Variants in SULF2 observed in about 807,000 individuals in gnomAD.
SULF2 encodes extracellular sulfatase Sulf-2.
SULF2 carries 52 observed loss-of-function variants against 107.7 expected under a neutral mutation model. The observed-to-expected ratio is 0.48, with a 90% CI of 0.39 to 0.61. The LOEUF is 0.61. Ranked by LOEUF, SULF2 falls within the 20% of genes least tolerant of loss-of-function variation. The pLI is 0.00. For missense variants in SULF2, 993 were observed against 1,177.3 expected (o/e 0.84, Z 2.29); for synonymous variants, 460 against 464.3 (o/e 0.99, Z 0.12).
intron 1 of SULF2, among the ~76,000 whole-genome samples, chr20:47,774,407 G>A (rs2090688157): frequency 6.6e-6 from 1 of 152,194 alleles, no homozygotes; most frequent in Non-Finnish European, 1.5e-5. Flanking sequence ...ATTGAGCCCA[G>A]GTCCCTCATT....
chr20:47,663,351 T>A (rs1009416127), intron 16 of SULF2, 102 bp downstream of exon 16: 5 of 1,575,714 alleles, frequency 3.2e-6, no homozygotes, highest in Non-Finnish European at 4.3e-6. Flanking sequence ...GGACCCCTGG[T>A]GTTGGGGACC....
chr20:47,697,828 G>A (rs6090714), intron 4 of SULF2, among the ~76,000 whole-genome samples: 60,355 of 152,142 alleles, frequency 0.4, 12,659 homozygotes, highest in Middle Eastern at 0.48. Context: ...TGATTATCGG[G>A]CTGCTCTGAG....
chr20:47,703,719 A>G (rs554601481), intron 3 of SULF2, among the ~76,000 whole-genome samples: 1 of 152,378 alleles, frequency 6.6e-6, no homozygotes, highest in South Asian at 2.1e-4. Context: ...AAGACATGAC[A>G]GCACATTTGT....
intron 1 of SULF2, among the ~76,000 whole-genome samples, chr20:47,784,188 C>G (rs1431393650): frequency 2.0e-5 from 3 of 150,928 alleles, no homozygotes; most frequent in South Asian, 2.1e-4. Context: ...TGGGGGTGGA[C>G]CCGGTGGGAA....
At chr20:47,730,517 C>G (rs953281398) in intron 3 of SULF2, among the ~76,000 whole-genome samples, 1 of 152,136 alleles carries the variant, frequency 6.6e-6, no homozygotes, top group Non-Finnish European at 1.5e-5. Context: ...GTGGTGCAAT[C>G]TCGGCTCACT....
Position 47,757,286 on chromosome 20 carries a change from C to T in SULF2, c.78G>A (p.Leu26=). 2 of 1,591,994 alleles carry T rather than the reference C, an allele frequency of 1.3e-6. No homozygotes were observed. The highest frequency in any genetic ancestry group is 8.6e-7 in the Non-Finnish European group (1 of 1,168,562). Residue 26 remains leucine, a synonymous_variant, in exon 2 of 21, where the codon CTG becomes CTA. Coordinates refer to ENST00000688720, the MANE Select transcript of SULF2 (RefSeq NM_001387048.1). ...ACCTGCCTTTCAGGCGGTGGTGCGA[C>T]AGGAAGGCCGAGCTTCCACCCAGCA... The part of the protein sequence containing the change: ...FSLLGGSSAF[L]SHHRLKGRFQ...
rs536881999 is a variant in SULF2, at chr20:47,715,696, C to T, written c.416-13026G>A. On this transcript the variant is annotated intron_variant, in intron 3 of 20. Transcript: ENST00000688720. Reference sequence around the variant, plus strand: ...TCCCGGGTTCCAGTGATTCTCTTGCCTCAGCCTCCCGACTGGCTGGGATTA... The same window carrying T: ...TCCCGGGTTCCAGTGATTCTCTTGCTTCAGCCTCCCGACTGGCTGGGATTA... Among the ~76,000 whole-genome samples, 62 of 152,038 alleles carry T rather than the reference C, an allele frequency of 4.1e-4. No homozygotes were observed. The South Asian group carries it at 0.013, about 31-fold the overall frequency.
chr20:47,757,333 G>C lies in SULF2; in HGVS notation c.31C>G (p.Leu11Val). The C allele has an allele frequency of 6.2e-7, 1 of 1,602,806 alleles. No homozygotes were observed. Among genetic ancestry groups the C allele is most frequent in the Non-Finnish European group, 8.5e-7 (1 of 1,174,340 alleles). The change falls in exon 2 of 21, where the codon CTG becomes GTG. Residue 11 changes from leucine to valine, a missense_variant. By Grantham distance (32) the Leu-to-Val change is conservative. This residue lies in a region of SULF2 where 388 missense variants were observed against 449.2 expected (regional missense o/e 0.86). Coordinates refer to ENST00000688720, the MANE Select transcript of SULF2 (RefSeq NM_001387048.1). ...AGCAGGGAGAACACAGTTGCGGACA[G>C]CAAGCACAGCACGAGGCTCGGGGGG... MGPPSLVLCLLSATVFSLLGG... is the reference protein window; with the variant it reads MGPPSLVLCLVSATVFSLLGG...
chr20:47,698,303 T>C (rs2088452402), intron 4 of SULF2, among the ~76,000 whole-genome samples: 1 of 152,214 alleles, frequency 6.6e-6, no homozygotes, highest in African/African-American at 2.4e-5. Context: ...TACCCCCATG[T>C]CTGGCTCAGG....
chr20:47,764,451 C>A (rs139887513), intron 1 of SULF2, among the ~76,000 whole-genome samples: 3 of 152,232 alleles, frequency 2.0e-5, no homozygotes, highest in African/African-American at 7.2e-5. Flanking sequence ...TTCCCACCCC[C>A]CCTTATATAT....
At chr20:47,693,446 C>T (rs1346339744) in intron 4 of SULF2, among the ~76,000 whole-genome samples, 1 of 152,096 alleles carries the variant, frequency 6.6e-6, no homozygotes, top group Non-Finnish European at 1.5e-5. Context: ...CCTGTTTGGC[C>T]GTGGTTAAAC....
chr20:47,751,978 G>A (rs55857445), intron 2 of SULF2, among the ~76,000 whole-genome samples: 6,349 of 152,234 alleles, frequency 0.042, 180 homozygotes, highest in Non-Finnish European at 0.063. Flanking sequence ...TCAAATTATG[G>A]GGTATGTAAC....
At position 47,735,530 on chromosome 20, in the gene SULF2, C is replaced by A. The variant is rs574668474; in HGVS notation, c.415+1173G>T. 2.6e-5 allele frequency among the ~76,000 whole-genome samples: 4 copies of A among 152,322 alleles called. No homozygotes were observed. The South Asian group carries it at 8.3e-4, about 32-fold the overall frequency. On this transcript the variant is annotated intron_variant, in intron 3 of 20. Coordinates refer to ENST00000688720, the MANE Select transcript of SULF2 (RefSeq NM_001387048.1). ...CTGTCCTGCTTCTGCTAGCAACATC[C>A]AGGCCCCCGCCAATCATCTAGGGTG...
intron 1 of SULF2, among the ~76,000 whole-genome samples, chr20:47,771,863 AAC>A (rs1391504426): frequency 6.6e-6 from 1 of 152,218 alleles, no homozygotes; most frequent in Non-Finnish European, 1.5e-5. Context: ...CGCCTGGGAT[AAC>A]ACAGCTTTTC....
intron 10 of SULF2, 143 bp from the exon 11 acceptor site, chr20:47,672,536 A>G (rs2087513055): frequency 7.1e-6 from 10 of 1,416,134 alleles, no homozygotes; most frequent in African/African-American, 1.4e-5. Flanking sequence ...GCTATCTCCA[A>G]TGCCGCTTCT....
chr20:47,708,917 C>G (rs142120969), intron 3 of SULF2, among the ~76,000 whole-genome samples: 1,757 of 152,308 alleles, frequency 0.012, 41 homozygotes, highest in African/African-American at 0.04. Context: ...CTCCAACCCC[C>G]AACCCTTAAA....
chr20:47,671,072 T>C (rs992728669), intron 11 of SULF2, among the ~76,000 whole-genome samples: 4 of 152,122 alleles, frequency 2.6e-5, no homozygotes, highest in African/African-American at 9.7e-5. Flanking sequence ...ATTCTTCCTG[T>C]TTGATGGTGG....
rs138971536 is a variant in SULF2 at position 47,777,281 on chromosome 20, C to T, written c.-101+8062G>A. Among the ~76,000 whole-genome samples, 496 of 152,266 alleles carry T rather than the reference C, an allele frequency of 3.3e-3. 1 individual carries two copies. The highest frequency in any genetic ancestry group is 0.011 in the African/African-American group (463 of 41,542). On this transcript the variant is annotated intron_variant, in intron 1 of 20. Transcript: ENST00000688720. ...TAGAGGTGAGTGCAAAACCCAACTC[C>T]GGACCAATGAAACAGAAAGCAAAGT... is the stretch of plus-strand genomic sequence containing the variant.
chr20:47,673,345 A>G (rs2087537397), intron 10 of SULF2, among the ~76,000 whole-genome samples: 1 of 152,086 alleles, frequency 6.6e-6, no homozygotes, highest in African/African-American at 2.4e-5. Context: ...CTTGCTTACT[A>G]CACCTCACGC....
Sources: allele counts gnomAD v4.1 joint callset (sites outside exome capture counted in the v4.1 genomes callset), GRCh38; gene constraint gnomAD v4.1.1; regional missense constraint gnomAD v4.1.1; transcripts MANE v1.5; gene names NCBI Gene and HGNC (gene_info 2026-07-23, HGNC 2026-07-21).